The following XXYLT1 variants were observed in gnomAD, a reference collection of about 807,000 sequenced individuals.
XXYLT1 encodes the protein UDP-xylose:alpha-xyloside alpha-1,3-xylosyltransferase.
XXYLT1 carries 20 observed loss-of-function variants against 28.9 expected under a neutral mutation model. The observed-to-expected ratio is 0.69, with a 90% confidence interval of 0.49 to 1.00. XXYLT1 has a LOEUF of 1.00. XXYLT1 is among the 50% of genes least tolerant of loss of function. The pLI is 0.00. For synonymous variants in XXYLT1, 257 were observed against 253.8 expected, an observed-to-expected ratio of 1.01 and a Z score of -0.12; for missense variants, 542 against 560.1, an observed-to-expected ratio of 0.97 and a Z score of 0.33.
At chr3:195,225,778 T>G (rs1203486719) in intron 2 of XXYLT1, among the ~76,000 whole-genome samples, 1 of 152,142 alleles carries the variant, frequency 6.6e-6, no homozygotes, top group Non-Finnish European at 1.5e-5. Context: ...GTTATCCTCA[T>G]GCTGTTCTCA....
At chr3:195,236,755 C>A (rs1724564891) in intron 1 of XXYLT1, among the ~76,000 whole-genome samples, 1 of 152,114 alleles carries the variant, frequency 6.6e-6, no homozygotes, top group Admixed American at 6.5e-5. Context: ...ATGGTATGTA[C>A]TACCTGGTTA....
At chr3:195,204,215 C>T (rs779158066) in intron 2 of XXYLT1, among the ~76,000 whole-genome samples, 5 of 151,906 alleles carry the variant, frequency 3.3e-5, no homozygotes, top group African/African-American at 7.3e-5. Context: ...TGGTGGCAGA[C>T]GCCTGTAGTC....
chr3:195,184,525 C>G (rs923345484), intron 2 of XXYLT1: 3 of 778,716 alleles, frequency 3.9e-6, no homozygotes, highest in Non-Finnish European at 3.1e-6. Context: ...ATACCTCAGA[C>G]TATCTTAATA....
intron 2 of XXYLT1, among the ~76,000 whole-genome samples, chr3:195,186,053 A>C (rs1428609232): frequency 3.9e-5 from 6 of 152,132 alleles, no homozygotes; most frequent in Admixed American, 3.3e-4. Flanking sequence ...TGTGCTCCTA[A>C]GTGCCTGGAC....
chr3:195,177,897 C>T (rs115788308), intron 2 of XXYLT1, among the ~76,000 whole-genome samples: 3,124 of 149,650 alleles, frequency 0.021, 106 homozygotes, highest in African/African-American at 0.074. Context: ...TTCATGCCAC[C>T]GCACTCCAGC....
At chr3:195,110,252 GAA>G (rs1469169088) in intron 3 of XXYLT1, among the ~76,000 whole-genome samples, 4 of 5,790 alleles carry the variant, frequency 6.9e-4, no homozygotes, top group Admixed American at 2.4e-3. Context: ...GTGTGTGGGT[GAA>G]GTGTGTGTGG....
intron 3 of XXYLT1, among the ~76,000 whole-genome samples, chr3:195,090,282 G>A (rs1426016130): frequency 6.6e-6 from 1 of 151,622 alleles, no homozygotes; most frequent in Non-Finnish European, 1.5e-5. Flanking sequence ...TGGAAGTAAA[G>A]CTCTCCTCAG....
intron 3 of XXYLT1, among the ~76,000 whole-genome samples, chr3:195,107,514 A>AGGAG (rs1717172426): frequency 2.6e-5 from 1 of 37,994 alleles, no homozygotes; most frequent in African/African-American, 8.7e-5. Context: ...AGGAAGAAGA[A>AGGAG]GAAGGAGGAG....
intron 2 of XXYLT1, among the ~76,000 whole-genome samples, chr3:195,215,342 G>A (rs1243409343): frequency 8.0e-6 from 1 of 124,552 alleles, no homozygotes; most frequent in Non-Finnish European, 1.7e-5. Flanking sequence ...AAATGTAAAT[G>A]GACTAAATGC....
intron 3 of XXYLT1, among the ~76,000 whole-genome samples, chr3:195,143,812 A>ATTTTTTTTTTTTTTTT (rs1228426457): frequency 1.1e-5 from 1 of 94,850 alleles, no homozygotes; most frequent in African/African-American, 3.9e-5. Flanking sequence ...ATAGATATAT[A>ATTTTTTTTTTTTTTTT]TAGATATAGA....
At chr3:195,229,434 TAC>T (rs1560164272) in intron 1 of XXYLT1, among the ~76,000 whole-genome samples, 8 of 152,326 alleles carry the variant, frequency 5.3e-5, no homozygotes, top group East Asian at 1.9e-4. Context: ...GTAATTAAAC[TAC>T]TTTTTACTGT....
chr3:195,156,794 C>A (rs1720619908), intron 2 of XXYLT1, among the ~76,000 whole-genome samples: 1 of 152,214 alleles, frequency 6.6e-6, no homozygotes, highest in African/African-American at 2.4e-5. Context: ...CGTGTCTTTT[C>A]TTCCAACTGC....
chr3:195,105,368 T>A (rs1717025879), intron 3 of XXYLT1, among the ~76,000 whole-genome samples: 1 of 152,258 alleles, frequency 6.6e-6, no homozygotes, highest in South Asian at 2.1e-4. Flanking sequence ...CAGTAAGCTT[T>A]GATCCTGTGA....
At chr3:195,254,618 T>G (rs775247476) in intron 1 of XXYLT1, among the ~76,000 whole-genome samples, 21 of 152,216 alleles carry the variant, frequency 1.4e-4, no homozygotes, top group Admixed American at 6.5e-5. Context: ...GGCAGCCACC[T>G]GCGCCAGGCT....
At chr3:195,112,475 T>C (rs1238012656) in intron 3 of XXYLT1, among the ~76,000 whole-genome samples, 3 of 135,382 alleles carry the variant, frequency 2.2e-5, no homozygotes, top group East Asian at 2.4e-4. Context: ...CCCACACACA[T>C]GCACACACGC....
At chr3:195,261,748 T>C (rs1725706447) in intron 1 of XXYLT1, among the ~76,000 whole-genome samples, 1 of 152,226 alleles carries the variant, frequency 6.6e-6, no homozygotes, top group Non-Finnish European at 1.5e-5. Flanking sequence ...TGTATGTAGT[T>C]GTCCTTAGCA....
chr3:195,139,957 C>T (rs140321566), intron 3 of XXYLT1, among the ~76,000 whole-genome samples: 2 of 152,312 alleles, frequency 1.3e-5, no homozygotes, highest in Non-Finnish European at 2.9e-5. Flanking sequence ...CGACATCTCC[C>T]GAGCCCTACG....
intron 1 of XXYLT1, among the ~76,000 whole-genome samples, chr3:195,241,478 C>T (rs1724771952): frequency 6.6e-6 from 1 of 152,108 alleles, no homozygotes; most frequent in Admixed American, 6.5e-5. Flanking sequence ...TCAGCAATTC[C>T]AACAAGAACT....
At position 195,270,891 on chromosome 3, in the gene XXYLT1, CT is replaced by C; in HGVS notation, c.167del (p.Lys56ArgfsTer18). ...ETFSSATKRL[K>X]EARAGAPAAP... Reference sequence around the variant, plus strand: ...CGGCGGGAGCCCCGGCGCGGGCCTCCTTCAGCCTCTTGGTGGCGCTGGAGAA... The same window carrying C: ...CGGCGGGAGCCCCGGCGCGGGCCTCCTCAGCCTCTTGGTGGCGCTGGAGAA... On this transcript the variant is annotated frameshift_variant, in exon 1 of 4. Transcript: ENST00000310380. LOFTEE classifies it high-confidence loss of function. 1 of 1,468,156 alleles carries C rather than the reference CT, an allele frequency of 6.8e-7. No individual in the cohort carries two copies. The highest frequency in any genetic ancestry group is 9.0e-7 in the Non-Finnish European group (1 of 1,111,600). 90.9% of individuals were successfully genotyped at this position (1,468,156 alleles called of 1,614,324 possible).
Sources: gnomAD v4.1 joint callset for allele counts (sites outside exome capture counted in the v4.1 genomes callset) on GRCh38, gnomAD v4.1.1 for gene constraint, MANE v1.5 for transcripts, NCBI Gene and HGNC (gene_info 2026-07-23, HGNC 2026-07-21) for gene names.